The following LINGO2 variants were observed in gnomAD, a reference collection of about 807,000 sequenced individuals.
LINGO2 encodes leucine-rich repeat and immunoglobulin-like domain-containing nogo receptor-interacting protein 2.
LINGO2 carries 14 observed loss-of-function variants against 30.6 expected under a neutral mutation model. The ratio of observed to expected loss-of-function variants is 0.46; its 90% CI spans 0.30 to 0.72. The LOEUF (loss-of-function observed/expected upper bound fraction) is 0.72. Among genes scored for constraint, LINGO2 ranks in the 30% least tolerant of loss-of-function variants. The pLI, the probability that LINGO2 is intolerant of heterozygous loss-of-function variation, is 0.07. For missense variants in LINGO2, 729 were observed against 751.7 expected (o/e 0.97, Z 0.35); for synonymous variants, 317 against 288.5 (o/e 1.10, Z -1.00).
chr9:28,992,608 T>C, the LINGO2 span, among the ~76,000 whole-genome samples: 1 of 152,096 alleles, frequency 6.6e-6, no homozygotes, highest in Non-Finnish European at 1.5e-5. Flanking sequence ...GACCGCATAG[T>C]TGGAAGTAAA....
At chr9:28,170,214 A>G (rs1828543978) in intron 4 of LINGO2, among the ~76,000 whole-genome samples, 1 of 152,212 alleles carries the variant, frequency 6.6e-6, no homozygotes, top group Admixed American at 6.5e-5. Context: ...GAGGCACGGA[A>G]AGAAGGTTGG....
chr9:28,412,603 A>G (rs1289774322), intron 2 of LINGO2, among the ~76,000 whole-genome samples: 1 of 152,114 alleles, frequency 6.6e-6, no homozygotes. Context: ...ACACAAAAAT[A>G]AGTTGCATTT....
chr9:28,302,559 T>C (rs936673399), intron 3 of LINGO2, among the ~76,000 whole-genome samples: 1 of 152,104 alleles, frequency 6.6e-6, no homozygotes, highest in East Asian at 1.9e-4. Context: ...TTGTCCCAGC[T>C]ACTCAGGAGG....
At chr9:28,524,989 T>A (rs1358018479) in intron 1 of LINGO2, among the ~76,000 whole-genome samples, 1 of 151,924 alleles carries the variant, frequency 6.6e-6, no homozygotes, top group Non-Finnish European at 1.5e-5. Context: ...AATGACACAC[T>A]AAAAAGATTA....
the LINGO2 span, among the ~76,000 whole-genome samples, chr9:28,772,921 A>G: frequency 1.3e-5 from 2 of 152,192 alleles, no homozygotes; most frequent in African/African-American, 4.8e-5. Flanking sequence ...CATCACTGAA[A>G]TGGAGCTAGA....
In LINGO2 at chr9:28,303,465, CT is replaced by C. The variant is rs1824224735; in HGVS notation, c.-245-8100del. ...CTGTAGTTATATATAAAATTGACCC[CT>C]GAACAACATGTGGATTAGGAACACC... is the stretch of plus-strand genomic sequence containing the variant. On this transcript the variant is annotated intron_variant, in intron 3 of 5. Coordinates refer to ENST00000379992, the Ensembl canonical transcript of LINGO2. Among the ~76,000 whole-genome samples, 5 of 152,122 alleles carry C rather than the reference CT, an allele frequency of 3.3e-5. No homozygotes were observed. In the South Asian group the frequency reaches 1.0e-3, roughly 32 times the overall value.
the LINGO2 span, among the ~76,000 whole-genome samples, chr9:28,912,017 T>C: frequency 6.6e-6 from 1 of 152,146 alleles, no homozygotes; most frequent in Admixed American, 6.6e-5. Context: ...TAAATATGCA[T>C]TGCAATATGA....
chr9:28,322,303 A>G (rs1223929884), intron 3 of LINGO2, among the ~76,000 whole-genome samples: 1 of 152,094 alleles, frequency 6.6e-6, no homozygotes, highest in Non-Finnish European at 1.5e-5. Flanking sequence ...AAATTAATCA[A>G]TGACTTCCTA....
chr9:28,975,363 T>A, the LINGO2 span, among the ~76,000 whole-genome samples: 1 of 152,210 alleles, frequency 6.6e-6, no homozygotes, highest in African/African-American at 2.4e-5. Context: ...GTGACTCAGA[T>A]GGTTAATGTA....
chr9:28,861,276 T>A, the LINGO2 span, among the ~76,000 whole-genome samples: 1 of 123,984 alleles, frequency 8.1e-6, no homozygotes, highest in Non-Finnish European at 1.6e-5. Flanking sequence ...TATATAATAT[T>A]TATATATTAT....
intron 4 of LINGO2, among the ~76,000 whole-genome samples, chr9:28,025,108 G>A (rs186804095): frequency 1.1e-4 from 16 of 150,530 alleles, no homozygotes; most frequent in Non-Finnish European, 1.8e-4. Flanking sequence ...GTTGATTACC[G>A]GTATCTTGAC....
At chr9:28,597,749 C>CATGT (rs1272727473) in intron 1 of LINGO2, among the ~76,000 whole-genome samples, 1 of 151,998 alleles carries the variant, frequency 6.6e-6, no homozygotes, top group African/African-American at 2.4e-5. Context: ...TGTATGTATG[C>CATGT]ATGTATGTAT....
At chr9:29,084,582 C>G in the LINGO2 span, among the ~76,000 whole-genome samples, 1 of 151,932 alleles carries the variant, frequency 6.6e-6, no homozygotes, top group Admixed American at 6.6e-5. Flanking sequence ...CAATAAAGAC[C>G]TATGACATAT....
At chr9:28,476,876 A>G (rs1450501175) in intron 1 of LINGO2, among the ~76,000 whole-genome samples, 1 of 152,236 alleles carries the variant, frequency 6.6e-6, no homozygotes, top group Non-Finnish European at 1.5e-5. Flanking sequence ...ATTTAAATCC[A>G]ATCAGTTAAA....
chr9:27,950,174 A>G (rs1819218171), exon 6 of LINGO2: 1 of 1,613,922 alleles, frequency 6.2e-7, no homozygotes, highest in Non-Finnish European at 8.5e-7. Context: ...GTGATATATA[A>G]ACCAAATCAT....
chr9:29,056,458 ATTTG>A, the LINGO2 span, among the ~76,000 whole-genome samples: 1 of 151,696 alleles, frequency 6.6e-6, no homozygotes, highest in Non-Finnish European at 1.5e-5. Context: ...TTTCTTGCTG[ATTTG>A]TTTGAGTTCC....
chr9:27,950,038 T>C (rs760765824), exon 6 of LINGO2: 1 of 1,613,730 alleles, frequency 6.2e-7, no homozygotes. Context: ...TTGTTGATAT[T>C]GAGATGCTTC....
At chr9:28,374,646 C>G (rs982254299) in intron 2 of LINGO2, among the ~76,000 whole-genome samples, 1 of 152,084 alleles carries the variant, frequency 6.6e-6, no homozygotes, top group Non-Finnish European at 1.5e-5. Context: ...TCCTCCTTAG[C>G]TCAGCAGTAA....
At chr9:29,107,554 T>G in the LINGO2 span, among the ~76,000 whole-genome samples, 22 of 152,260 alleles carry the variant, frequency 1.4e-4, no homozygotes, top group East Asian at 4.0e-3. Context: ...TTTAAAATTT[T>G]TTTTTCTTCA....
Sources: gnomAD v4.1 joint callset for allele counts (sites outside exome capture counted in the v4.1 genomes callset) on GRCh38, gnomAD v4.1.1 for gene constraint, MANE v1.5 for transcripts, NCBI Gene and HGNC (gene_info 2026-07-23, HGNC 2026-07-21) for gene names.